Variants in PTPRN2 observed in about 807,000 individuals in gnomAD.
The protein encoded by PTPRN2 is protein tyrosine phosphatase receptor type N2.
Under a neutral mutation model 118.8 loss-of-function variants are expected in PTPRN2, and 74 were observed. That is an observed-to-expected ratio of 0.62 (90% confidence interval 0.52 to 0.76). The LOEUF is 0.76. PTPRN2 is among the 30% of genes least tolerant of loss of function. The pLI, the probability that PTPRN2 is intolerant of heterozygous loss-of-function variation, is 0.00. For missense variants in PTPRN2, 1,481 were observed against 1,394.4 expected, an observed-to-expected ratio of 1.06 and a Z score of -0.99; for synonymous variants, 641 against 608.0, an observed-to-expected ratio of 1.05 and a Z score of -0.80.
intron 3 of PTPRN2, among the ~76,000 whole-genome samples, chr7:158,264,104 G>C (rs1400739070): frequency 6.6e-6 from 1 of 152,184 alleles, no homozygotes; most frequent in East Asian, 1.9e-4. Flanking sequence ...CATGGTGAAA[G>C]TCCAAGCCTC....
Position 157,940,791 on chromosome 7 carries a change from C to T in PTPRN2, c.1724-42054G>A, listed in dbSNP as rs532137486. ...CACCATGACACTGCAAATCAAACAC[C>T]CTCCCCCATGACACTGCAAATCTAA... On this transcript the variant is annotated intron_variant, in intron 11 of 22. Transcript: ENST00000389418. Among the ~76,000 whole-genome samples the T allele has an allele frequency of 2.6e-4, 24 of 93,128 alleles. 2 individuals carry two copies. The South Asian group carries it at 2.6e-3, about 10-fold the overall frequency. 61.1% of individuals were successfully genotyped at this position (93,128 alleles called of 152,430 possible). A position where few individuals can be genotyped will look rare whatever the true frequency, so the allele number is the denominator to read the frequency against.
chr7:158,303,339 C>T (rs1199886100), intron 3 of PTPRN2, among the ~76,000 whole-genome samples: 2 of 152,164 alleles, frequency 1.3e-5, no homozygotes, highest in African/African-American at 4.8e-5. Flanking sequence ...TGTAATCCCT[C>T]TGTGATTCCG....
chr7:158,344,179 C>T (rs987815807), intron 2 of PTPRN2, among the ~76,000 whole-genome samples: 11 of 152,152 alleles, frequency 7.2e-5, no homozygotes, highest in African/African-American at 2.7e-4. Flanking sequence ...AGGGCCTCAC[C>T]CAAGAGATAC....
At chr7:157,637,072 T>G (rs768620641) in intron 14 of PTPRN2, among the ~76,000 whole-genome samples, 22 of 152,198 alleles carry the variant, frequency 1.4e-4, no homozygotes, top group Non-Finnish European at 1.5e-4. Flanking sequence ...TCTACAACAT[T>G]TTTTTATTAA....
intron 11 of PTPRN2, among the ~76,000 whole-genome samples, chr7:158,041,858 C>G (rs1298005257): frequency 1.3e-5 from 2 of 152,194 alleles, no homozygotes; most frequent in East Asian, 3.9e-4. Context: ...TTCCCAATCA[C>G]ACTTCTTCCT....
At chr7:157,700,575 G>A (rs1452570614) in intron 12 of PTPRN2, among the ~76,000 whole-genome samples, 7 of 152,012 alleles carry the variant, frequency 4.6e-5, no homozygotes, top group East Asian at 3.9e-4. Flanking sequence ...TGCTGATGGC[G>A]GCTGGCCTCC....
At position 158,052,988 on chromosome 7, in the gene PTPRN2, G is replaced by A. The variant is rs1055620062; in HGVS notation, c.1723+28310C>T. ...TCCTGCTGGGGTCTGAGGCTCTGCC[G>A]CCTTCTCCCTGCCCAGGCTGGCCCC... On this transcript the variant is annotated intron_variant, in intron 11 of 22. Coordinates refer to ENST00000389418, the MANE Select transcript of PTPRN2 (RefSeq NM_002847.5). Among the ~76,000 whole-genome samples the A allele has an allele frequency of 4.6e-5, 7 of 152,178 alleles. No individual in the cohort carries two copies. In the South Asian group the frequency reaches 8.3e-4, roughly 18 times the overall value.
intron 1 of PTPRN2, among the ~76,000 whole-genome samples, chr7:158,571,008 T>C (rs1187044800): frequency 6.6e-6 from 1 of 152,248 alleles, no homozygotes; most frequent in Non-Finnish European, 1.5e-5. Flanking sequence ...GCTGACGCAC[T>C]GGCAGGAGCC....
Position 157,881,401 on chromosome 7 carries a change from G to A in PTPRN2, c.1788+17272C>T, listed in dbSNP as rs1213170330. On this transcript the variant is annotated intron_variant, in intron 12 of 22. Coordinates refer to ENST00000389418, the MANE Select transcript of PTPRN2 (RefSeq NM_002847.5). This position sits in a 1 kb window ranked among gnomAD's most constrained non-coding sequence, Gnocchi z 4.7. ...GTGAGGACTTGAGGATGCAGAGACGGCATCTGAAGCCCAGGAGAGAGGCCT... is the reference window on the plus strand; with the variant it reads ...GTGAGGACTTGAGGATGCAGAGACGACATCTGAAGCCCAGGAGAGAGGCCT... 6.6e-6 allele frequency among the ~76,000 whole-genome samples: 1 copy of A among 152,160 alleles called. No homozygotes were observed. Among genetic ancestry groups the A allele is most frequent in the Non-Finnish European group, 1.5e-5 (1 of 68,028 alleles).
At chr7:158,140,968 C>G (rs554663861) in intron 6 of PTPRN2, among the ~76,000 whole-genome samples, 1 of 152,176 alleles carries the variant, frequency 6.6e-6, no homozygotes, top group African/African-American at 2.4e-5. Context: ...TCTACCTTCC[C>G]GAACGACACC....
At position 158,308,896 on chromosome 7, in the gene PTPRN2, T is replaced by C. The variant is rs73528029; in HGVS notation, c.277+7923A>G. ...AATCTAGGTGAAATTGACAAATTCC[T>C]ATGAAGACATGAACTACTGAAGCTG... On this transcript the variant is annotated intron_variant, in intron 3 of 22. Transcript: ENST00000389418. Among the ~76,000 whole-genome samples, 536 of 152,268 alleles carry C rather than the reference T, an allele frequency of 3.5e-3. 3 individuals are homozygous for C. Among genetic ancestry groups the C allele is most frequent in the African/African-American group, 0.012 (511 of 41,554 alleles).
rs920696640 is a variant in PTPRN2 at position 157,831,324 on chromosome 7, G to A, written c.1788+67349C>T. Among the ~76,000 whole-genome samples the A allele has an allele frequency of 1.3e-5, 2 of 152,144 alleles. No homozygotes were observed. The highest frequency in any genetic ancestry group is 1.9e-4 in the East Asian group (1 of 5,198). Reference sequence around the variant, plus strand: ...CGGCCACTCCTCCTCCAGGTGTCCCGCCATGTGCAGCCGTGAATATCCTGT... The same window carrying A: ...CGGCCACTCCTCCTCCAGGTGTCCCACCATGTGCAGCCGTGAATATCCTGT... On this transcript the variant is annotated intron_variant, in intron 12 of 22. Transcript: ENST00000389418. This position sits in a 1 kb window ranked among gnomAD's most constrained non-coding sequence, Gnocchi z 4.8.
At chr7:158,366,549 C>G (rs1285818008) in intron 2 of PTPRN2, among the ~76,000 whole-genome samples, 2 of 152,204 alleles carry the variant, frequency 1.3e-5, no homozygotes, top group Non-Finnish European at 2.9e-5. Flanking sequence ...TGAGGAATCG[C>G]CATGGCAACC....
intron 2 of PTPRN2, among the ~76,000 whole-genome samples, chr7:158,472,719 GAC>G (rs1319633335): frequency 2.6e-5 from 4 of 152,158 alleles, no homozygotes; most frequent in African/African-American, 9.7e-5. Context: ...TGCCTCAAAA[GAC>G]AGAGCAGACC....
At chr7:157,725,524 G>T (rs1799520853) in intron 12 of PTPRN2, among the ~76,000 whole-genome samples, 3 of 99,118 alleles carry the variant, frequency 3.0e-5, no homozygotes, top group African/African-American at 9.2e-5. Context: ...ACGGCGGCCA[G>T]ACCCTCACCT....
intron 12 of PTPRN2, among the ~76,000 whole-genome samples, chr7:157,804,645 A>G (rs1417951884): frequency 6.6e-6 from 1 of 152,134 alleles, no homozygotes; most frequent in Admixed American, 6.5e-5. Context: ...ACACACATAC[A>G]CACACTTGCA....
rs143493576 is a variant in PTPRN2 at position 157,938,793 on chromosome 7, G to A, written c.1724-40056C>T. On this transcript the variant is annotated intron_variant, in intron 11 of 22. Coordinates refer to ENST00000389418, the MANE Select transcript of PTPRN2 (RefSeq NM_002847.5). ...AGTAAAAAGAACCACCCTTTGGGGT[G>A]TTGGTGCTTATGTAGGATGATCCAA... 7.1e-3 allele frequency among the ~76,000 whole-genome samples: 1,078 copies of A among 152,358 alleles called. 15 individuals are homozygous for A. The highest frequency in any genetic ancestry group is 0.025 in the African/African-American group (1,027 of 41,582).
intron 2 of PTPRN2, among the ~76,000 whole-genome samples, chr7:158,334,494 C>A (rs1805185587): frequency 9.5e-6 from 1 of 104,926 alleles, no homozygotes. Flanking sequence ...ACACGTCACT[C>A]ACACCCACAC....
intron 11 of PTPRN2, among the ~76,000 whole-genome samples, chr7:158,070,652 G>GTA (rs1811239182): frequency 7.8e-6 from 1 of 128,506 alleles, no homozygotes; most frequent in Admixed American, 7.6e-5. Context: ...GCCCATGGTG[G>GTA]TGGAGGTGCT....
Sources: gnomAD v4.1 joint callset for allele counts (sites outside exome capture counted in the v4.1 genomes callset) on GRCh38, gnomAD v4.1.1 for gene constraint, Gnocchi (gnomAD v3.1) non-coding constraint, MANE v1.5 for transcripts, NCBI Gene and HGNC (gene_info 2026-07-23, HGNC 2026-07-21) for gene names.